Variants in TMEM17 observed in about 807,000 individuals in gnomAD.
TMEM17 encodes transmembrane protein 17.
In TMEM17, 15 loss-of-function variants were observed where a neutral mutation model predicts 19.1. The observed-to-expected ratio is 0.78, with a 90% confidence interval of 0.52 to 1.21. The LOEUF is 1.21. TMEM17 is among the 50% of genes most tolerant of loss of function. The probability of loss-of-function intolerance (pLI) is 0.00; values close to 1 mark genes in which losing one functional copy is unlikely to be tolerated. For missense variants in TMEM17, 245 were observed against 242.3 expected, an observed-to-expected ratio of 1.01 and a Z score of -0.07; for synonymous variants, 103 against 86.9, an observed-to-expected ratio of 1.19 and a Z score of -1.03.
chr2:62,479,869 T>C, the TMEM17 span, among the ~76,000 whole-genome samples: 1 of 126,062 alleles, frequency 7.9e-6, no homozygotes, highest in African/African-American at 3.1e-5. Flanking sequence ...CGTGAGTTAG[T>C]GACAGAGTGA....
At chr2:62,473,516 G>C in the TMEM17 span, among the ~76,000 whole-genome samples, 1 of 152,176 alleles carries the variant, frequency 6.6e-6, no homozygotes, top group Non-Finnish European at 1.5e-5. Context: ...AAGGCCTCTT[G>C]GCTGCAGAAC....
chr2:62,466,773 A>C, the TMEM17 span, among the ~76,000 whole-genome samples: 1 of 152,176 alleles, frequency 6.6e-6, no homozygotes, highest in Non-Finnish European at 1.5e-5. Flanking sequence ...GAGCTACAGC[A>C]GTAGAAGGTC....
the TMEM17 span, among the ~76,000 whole-genome samples, chr2:62,484,679 C>T: frequency 6.6e-6 from 1 of 152,102 alleles, no homozygotes; most frequent in East Asian, 1.9e-4. Context: ...CCCACTAAGA[C>T]CCTTTACGTT....
downstream of TMEM17, among the ~76,000 whole-genome samples, chr2:62,498,731 T>TA (rs1371952307): frequency 5.3e-4 from 79 of 148,334 alleles, 2 homozygotes; most frequent in African/African-American, 1.5e-3. Flanking sequence ...TAAAATAAAA[T>TA]AAAATAAAAT....
the TMEM17 span, among the ~76,000 whole-genome samples, chr2:62,461,403 G>T: frequency 1.3e-5 from 2 of 152,170 alleles, no homozygotes; most frequent in African/African-American, 2.4e-5. Flanking sequence ...GCCAGGGCTG[G>T]TTTTCTGGTT....
the TMEM17 span, among the ~76,000 whole-genome samples, chr2:62,472,407 A>G: frequency 6.6e-6 from 1 of 152,122 alleles, no homozygotes; most frequent in Non-Finnish European, 1.5e-5. Flanking sequence ...CTTTCCATGC[A>G]CCACTGAGGA....
intron 1 of TMEM17, among the ~76,000 whole-genome samples, chr2:62,504,434 G>A (rs1680013123): frequency 6.6e-6 from 1 of 152,192 alleles, no homozygotes; most frequent in Non-Finnish European, 1.5e-5. Context: ...AATTGGGCAA[G>A]CTGAACATTT....
chr2:62,457,842 G>A, the TMEM17 span, among the ~76,000 whole-genome samples: 1 of 151,716 alleles, frequency 6.6e-6, no homozygotes, highest in Non-Finnish European at 1.5e-5. This position sits in a 1 kb window ranked among gnomAD's most constrained non-coding sequence, Gnocchi z 4.2. Flanking sequence ...CTGCTTTGCC[G>A]CTGAACCCAG....
chr2:62,468,173 T>C, the TMEM17 span, among the ~76,000 whole-genome samples: 3 of 152,132 alleles, frequency 2.0e-5, no homozygotes, highest in African/African-American at 7.2e-5. Flanking sequence ...AGCCCTGTCC[T>C]GGTGCTCTTC....
At chr2:62,477,793 C>T in the TMEM17 span, among the ~76,000 whole-genome samples, 13 of 152,356 alleles carry the variant, frequency 8.5e-5, no homozygotes, top group African/African-American at 2.6e-4. Flanking sequence ...AGGAAGGGTA[C>T]GTGGCCTTAG....
At chr2:62,458,690 G>C in the TMEM17 span, among the ~76,000 whole-genome samples, 1 of 152,188 alleles carries the variant, frequency 6.6e-6, no homozygotes, top group South Asian at 2.1e-4. Flanking sequence ...TTAAAGGAGA[G>C]AACCCAGGAT....
chr2:62,480,647 A>C, the TMEM17 span, among the ~76,000 whole-genome samples: 1 of 151,912 alleles, frequency 6.6e-6, no homozygotes, highest in South Asian at 2.1e-4. Context: ...TTACCAGCAC[A>C]TTTTATTGAA....
rs763463129 is a variant in TMEM17 at position 62,506,058 on chromosome 2, C to T, written c.72G>A (p.Arg24=). 1.2e-6 allele frequency: 2 copies of T among 1,611,010 alleles called. No homozygotes were observed. Among genetic ancestry groups the T allele is most frequent in the Admixed American group, 1.7e-5 (1 of 59,822 alleles). ...GACCCTCATTGGACTCTGGACCGGT[C>T]CGATTGGAATCACTGAACACGGCCC... The part of the protein sequence containing the change: ...FSRAVFSDSN[R]TGPESNEGPE... The change falls in exon 1 of 4, where the codon CGG becomes CGA. Residue 24 remains arginine (R), a synonymous_variant. Coordinates refer to ENST00000335390, the MANE Select transcript of TMEM17 (RefSeq NM_198276.3).
the TMEM17 span, among the ~76,000 whole-genome samples, chr2:62,483,990 T>A: frequency 1.3e-5 from 2 of 152,326 alleles, no homozygotes; most frequent in East Asian, 3.9e-4. Flanking sequence ...AAGTTAAAAT[T>A]TCCTGCCTTA....
At chr2:62,461,294 G>C in the TMEM17 span, among the ~76,000 whole-genome samples, 1 of 152,242 alleles carries the variant, frequency 6.6e-6, no homozygotes, top group Non-Finnish European at 1.5e-5. Flanking sequence ...AAGGAACGGG[G>C]GTTGGAGATG....
the TMEM17 span, among the ~76,000 whole-genome samples, chr2:62,479,288 T>A: frequency 4.6e-5 from 7 of 152,192 alleles, no homozygotes; most frequent in African/African-American, 1.4e-4. Context: ...AACTTTTTCT[T>A]AGCTTCCAAT....
the TMEM17 span, among the ~76,000 whole-genome samples, chr2:62,484,559 A>T: frequency 6.6e-6 from 1 of 152,242 alleles, no homozygotes; most frequent in Non-Finnish European, 1.5e-5. Flanking sequence ...TGGAGCTAGC[A>T]GCTAACTTCC....
chr2:62,497,269 G>C (rs1349030543), downstream of TMEM17, among the ~76,000 whole-genome samples: 3 of 152,160 alleles, frequency 2.0e-5, no homozygotes, highest in Non-Finnish European at 2.9e-5. Context: ...TCTTCAAAGA[G>C]ATCTTTCTGA....
rs575905116 is a variant in TMEM17 at position 62,504,550 on chromosome 2, G to T, written c.100+1480C>A. The stretch of plus-strand genomic sequence containing the variant: ...AAGGTTATGCTATGTCCATATTTCA[G>T]CAGATCAAACTTATAATCATGGAAA... On this transcript the variant is annotated intron_variant, in intron 1 of 3. Transcript: ENST00000335390. Among the ~76,000 whole-genome samples, 10 of 152,242 alleles carry T rather than the reference G, an allele frequency of 6.6e-5. No homozygotes were observed. In the South Asian group the frequency reaches 1.9e-3, roughly 28 times the overall value.
Sources: allele counts gnomAD v4.1 joint callset (sites outside exome capture counted in the v4.1 genomes callset), GRCh38; gene constraint gnomAD v4.1.1; non-coding constraint Gnocchi (gnomAD v3.1); transcripts MANE v1.5; gene names NCBI Gene and HGNC (gene_info 2026-07-23, HGNC 2026-07-21).